KLHL32: variants seen among roughly 807,000 people sequenced by gnomAD.
KLHL32 encodes the protein kelch like family member 32, also known as kelch-like protein 32.
A neutral mutation model predicts 64.8 loss-of-function variants in KLHL32; 35 were observed. The observed-to-expected ratio is 0.54, with a 90% confidence interval of 0.41 to 0.72. KLHL32 has a LOEUF of 0.72. KLHL32 is among the 30% of genes least tolerant of loss of function. The pLI is 0.00. For missense variants in KLHL32, 589 were observed against 768.5 expected, an observed-to-expected ratio of 0.77 and a Z score of 2.76; for synonymous variants, 259 against 281.0, an observed-to-expected ratio of 0.92 and a Z score of 0.78.
chr6:96,947,238 A>T (rs1772025678), intron 1 of KLHL32, among the ~76,000 whole-genome samples: 1 of 152,142 alleles, frequency 6.6e-6, no homozygotes, highest in South Asian at 2.1e-4. Flanking sequence ...CAATCAAGTA[A>T]TTTCTTAGTT....
chr6:97,113,151 T>C (rs1797387511), intron 6 of KLHL32, among the ~76,000 whole-genome samples: 1 of 152,182 alleles, frequency 6.6e-6, no homozygotes, highest in African/African-American at 2.4e-5. Flanking sequence ...TAAAAGTTAA[T>C]TGAGAGAAAA....
chr6:96,935,737 G>A (rs1770516399), intron 1 of KLHL32, among the ~76,000 whole-genome samples: 1 of 152,090 alleles, frequency 6.6e-6, no homozygotes, highest in South Asian at 2.1e-4. Flanking sequence ...GACCAAATGT[G>A]CAGAATAAAT....
chr6:97,051,885 G>A (rs1462080718), intron 4 of KLHL32, among the ~76,000 whole-genome samples: 1 of 152,124 alleles, frequency 6.6e-6, no homozygotes, highest in African/African-American at 2.4e-5. Flanking sequence ...GCCTTATCCT[G>A]TTTTCTGGAC....
intron 1 of KLHL32, among the ~76,000 whole-genome samples, chr6:96,939,066 T>G (rs1408704064): frequency 6.6e-6 from 1 of 152,184 alleles, no homozygotes; most frequent in Non-Finnish European, 1.5e-5. Flanking sequence ...ACTCAGTCTC[T>G]AAAGCTAGCA....
chr6:97,054,722 T>C (rs1787515876), intron 4 of KLHL32, among the ~76,000 whole-genome samples: 1 of 152,186 alleles, frequency 6.6e-6, no homozygotes, highest in Admixed American at 6.5e-5. Flanking sequence ...TAGACAGATA[T>C]AGCACCTTAA....
intron 3 of KLHL32, among the ~76,000 whole-genome samples, chr6:97,011,964 TACA>T (rs1423931720): frequency 6.6e-6 from 1 of 152,168 alleles, no homozygotes; most frequent in Non-Finnish European, 1.5e-5. Flanking sequence ...ATGTAGATAT[TACA>T]ACAACTTTAC....
intron 4 of KLHL32, among the ~76,000 whole-genome samples, chr6:97,044,150 A>G (rs1361915321): frequency 1.3e-5 from 2 of 151,980 alleles, no homozygotes; most frequent in Non-Finnish European, 2.9e-5. Context: ...CCTTTATTGT[A>G]TTGATATACA....
intron 6 of KLHL32, chr6:97,105,501 C>G: frequency 2.1e-6 from 1 of 471,044 alleles, no homozygotes; most frequent in South Asian, 1.5e-5. Flanking sequence ...CCTGGCTTAC[C>G]TCAATGGGAT....
intron 7 of KLHL32, among the ~76,000 whole-genome samples, chr6:97,117,877 G>T (rs150196192): frequency 6.6e-6 from 1 of 152,064 alleles, no homozygotes; most frequent in Non-Finnish European, 1.5e-5. Flanking sequence ...AAAATAAGAG[G>T]CTAACTGCAA....
chr6:97,006,876 A>T (rs1254131283), intron 3 of KLHL32, among the ~76,000 whole-genome samples: 1 of 151,970 alleles, frequency 6.6e-6, no homozygotes, highest in African/African-American at 2.4e-5. Flanking sequence ...CTTGATGGTG[A>T]TCTCTTTTTA....
At position 96,942,654 on chromosome 6, in the gene KLHL32, GGTGTGTGTGTGTGT is replaced by G. The variant is rs373680196; in HGVS notation, c.-66+17652_-66+17665del. Among the ~76,000 whole-genome samples the G allele has an allele frequency of 3.6e-4, 52 of 144,320 alleles. 1 individual carries two copies. The South Asian group carries it at 7.4e-3, about 21-fold the overall frequency. The allele number at this position is 144,320 out of a possible 152,430, so 94.7% of individuals were successfully genotyped here. A position where few individuals can be genotyped will look rare whatever the true frequency, so the allele number is the denominator to read the frequency against. On this transcript the variant is annotated intron_variant, in intron 1 of 10. Transcript: ENST00000369261. ...TAACAGTGACTTGCTACAGCTGTGG[GGTGTGTGTGTGTGT>G]GTGTGTGTGTGTGTGTGTGTGTGAT... is the stretch of plus-strand genomic sequence containing the variant.
At chr6:96,969,949 T>C (rs1222734776) in intron 2 of KLHL32, among the ~76,000 whole-genome samples, 2 of 152,228 alleles carry the variant, frequency 1.3e-5, no homozygotes, top group Non-Finnish European at 2.9e-5. Context: ...TCTACAATTC[T>C]GATTCTCTTT....
At chr6:96,973,329 A>G (rs1437614608) in intron 2 of KLHL32, among the ~76,000 whole-genome samples, 1 of 152,224 alleles carries the variant, frequency 6.6e-6, no homozygotes, top group Non-Finnish European at 1.5e-5. Context: ...AGTCTTAATA[A>G]TAAGGACAGG....
chr6:97,091,254 C>T (rs986641128), intron 6 of KLHL32, among the ~76,000 whole-genome samples: 3 of 152,206 alleles, frequency 2.0e-5, no homozygotes, highest in African/African-American at 4.8e-5. Flanking sequence ...AGAGCATGAC[C>T]ATTCTAGTTC....
At chr6:96,903,331 A>G in the KLHL32 span, among the ~76,000 whole-genome samples, 2 of 152,208 alleles carry the variant, frequency 1.3e-5, no homozygotes, top group South Asian at 4.1e-4. Context: ...TAGCCAATAG[A>G]ATATAGCAAA....
chr6:97,028,021 A>G (rs1432891754), intron 3 of KLHL32, among the ~76,000 whole-genome samples: 1 of 152,216 alleles, frequency 6.6e-6, no homozygotes, highest in Non-Finnish European at 1.5e-5. Context: ...ATATTTCTCC[A>G]GCAAGGGACA....
chr6:97,043,011 C>T (rs1156884294), intron 4 of KLHL32, among the ~76,000 whole-genome samples: 4 of 152,224 alleles, frequency 2.6e-5, no homozygotes, highest in Non-Finnish European at 5.9e-5. Context: ...TTCCCACTCT[C>T]GTGCTTCCTC....
intron 3 of KLHL32, among the ~76,000 whole-genome samples, chr6:97,011,366 T>G (rs1780383533): frequency 6.6e-6 from 1 of 152,230 alleles, no homozygotes; most frequent in Non-Finnish European, 1.5e-5. Context: ...AGCCAGTGAA[T>G]TATGCCCTAA....
chr6:96,957,916 A>G (rs1773448747), intron 1 of KLHL32, among the ~76,000 whole-genome samples: 1 of 152,242 alleles, frequency 6.6e-6, no homozygotes, highest in Non-Finnish European at 1.5e-5. Context: ...CAATATATGC[A>G]AATAATCTGT....
Sources: gnomAD v4.1 joint callset for allele counts (sites outside exome capture counted in the v4.1 genomes callset) on GRCh38, gnomAD v4.1.1 for gene constraint, MANE v1.5 for transcripts, NCBI Gene and HGNC (gene_info 2026-07-23, HGNC 2026-07-21) for gene names.